Variants in TARS2 observed in about 807,000 individuals in gnomAD.
The protein encoded by TARS2 is threonyl-tRNA synthetase 2, mitochondrial.
TARS2 carries 61 observed loss-of-function variants against 94.4 expected under a neutral mutation model. The ratio of observed to expected loss-of-function variants is 0.65; its 90% CI spans 0.53 to 0.80. The LOEUF (loss-of-function observed/expected upper bound fraction) is 0.80. TARS2 is among the 30% of genes least tolerant of loss of function. TARS2 has a pLI of 0.00. For missense variants in TARS2, 704 were observed against 902.5 expected, an observed-to-expected ratio of 0.78 and a Z score of 2.82; for synonymous variants, 359 against 353.4, an observed-to-expected ratio of 1.02 and a Z score of -0.18.
chr1:150,487,551 C>T, intron 1 of TARS2, 35 bp downstream of exon 1: 1 of 1,614,022 alleles, frequency 6.2e-7, no homozygotes, highest in Non-Finnish European at 8.5e-7. Flanking sequence ...CGATCCGCAT[C>T]AGACTTAGCC....
chr1:150,487,480 C>A lies in TARS2; in HGVS notation c.30C>A (p.Leu10=). The part of the protein sequence containing the change: MALYQRWRC[L]RLQGLQACRL... ...CCCTGTATCAGAGGTGGCGGTGTCT[C>A]CGGCTCCAAGGTTTACAGGCTTGCA... is the stretch of plus-strand genomic sequence containing the variant. Residue 10 remains leucine (L), a synonymous_variant, in exon 1 of 18, where the codon CTC becomes CTA. Coordinates refer to ENST00000369064, the MANE Select transcript of TARS2 (RefSeq NM_025150.5). 2.5e-6 allele frequency: 4 copies of A among 1,614,232 alleles called. No individual in the cohort carries two copies. Among genetic ancestry groups the A allele is most frequent in the Non-Finnish European group, 3.4e-6 (4 of 1,180,038 alleles).
At chr1:150,493,007 C>T (rs587696395) in intron 7 of TARS2, among the ~76,000 whole-genome samples, 3 of 151,622 alleles carry the variant, frequency 2.0e-5, no homozygotes, top group South Asian at 2.1e-4. Flanking sequence ...TTCAGCCTCC[C>T]GAGTAGCTGG....
In TARS2 at chr1:150,491,467, C is replaced by T. The variant is rs201778963; in HGVS notation, c.586C>T (p.Arg196Trp). Reference sequence around the variant, plus strand: ...ACTTACAGCTGCTGCTCGACCCTTCCGGAGGCTAGAGGCTTCACGGGATCA... The same window carrying T: ...ACTTACAGCTGCTGCTCGACCCTTCTGGAGGCTAGAGGCTTCACGGGATCA... The part of the protein sequence containing the change: ...QELTAAARPF[R>W]RLEASRDQLR... The change falls in exon 5 of 18, where the codon CGG becomes TGG. Residue 196 changes from arginine to tryptophan, a missense_variant. Transcript: ENST00000369064. The T allele has an allele frequency of 1.1e-5, 18 of 1,614,178 alleles. No homozygotes were observed. The highest frequency in any genetic ancestry group is 2.7e-5 in the African/African-American group (2 of 75,042).
rs1296827521 is a variant in TARS2 at position 150,500,892 on chromosome 1, AGTT to A, written c.1617+1605_1617+1607del. On this transcript the variant is annotated intron_variant, in intron 13 of 17. Transcript: ENST00000369064. ...GAGAGGAAGTCTATTTGGAGGGAGA[AGTT>A]GTTGTAAAGGGAAGTTCCTGGAGAG... Among the ~76,000 whole-genome samples, 4 of 152,264 alleles carry A rather than the reference AGTT, an allele frequency of 2.6e-5. No homozygotes were observed. In the East Asian group the frequency reaches 7.7e-4, roughly 29 times the overall value.
chr1:150,502,336 C>T (rs1669963153), intron 13 of TARS2, among the ~76,000 whole-genome samples: 1 of 151,936 alleles, frequency 6.6e-6, no homozygotes. Flanking sequence ...ATTCTCTTGC[C>T]TCAGCCTCCC....
At chr1:150,495,682 C>T (rs1174918687) in intron 7 of TARS2, among the ~76,000 whole-genome samples, 1 of 151,098 alleles carries the variant, frequency 6.6e-6, no homozygotes, top group Non-Finnish European at 1.5e-5. Context: ...GTGTGAGCCA[C>T]TGCGCCCGGC....
intron 11 of TARS2, 63 bp downstream of exon 11, chr1:150,498,727 G>A: frequency 6.2e-7 from 1 of 1,609,502 alleles, no homozygotes. Context: ...CTATGAACCT[G>A]CAAACCCCTG....
At chr1:150,495,336 T>TACACAC (rs145397075) in intron 7 of TARS2, among the ~76,000 whole-genome samples, 35 of 150,558 alleles carry the variant, frequency 2.3e-4, no homozygotes, top group African/African-American at 7.8e-4. Context: ...CAGATGTATA[T>TACACAC]ACACACACAC....
Position 150,497,596 on chromosome 1 carries a change from G to C in TARS2, c.1087G>C (p.Glu363Gln). 1 of 1,614,132 alleles carries C rather than the reference G, an allele frequency of 6.2e-7. No homozygotes were observed. Among genetic ancestry groups the C allele is most frequent in the Non-Finnish European group, 8.5e-7 (1 of 1,180,030 alleles). Residue 363 changes from glutamate (E) to glutamine (Q), a missense_variant, in exon 10 of 18, where the codon GAA (glutamate) becomes CAA (glutamine). Transcript: ENST00000369064. ...TPTLFSTKLW[E>Q]QSGHWEHYQE... is the part of the protein sequence containing the mutation. ...CACACTGTTTTCTACGAAGCTCTGG[G>C]AACAGTCAGGGCACTGGGAGCATTA...
chr1:150,505,633 G>T lies in TARS2; in HGVS notation c.1936G>T (p.Asp646Tyr). ...LRAAGLVSDL[D>Y]ADSGLTLSRR... is the part of the protein sequence containing the mutation. ...GGCTGCAGGACTGGTCAGTGACCTGGATGCAGACTCTGGACTGACCCTCAG... is the reference window on the plus strand; with the variant it reads ...GGCTGCAGGACTGGTCAGTGACCTGTATGCAGACTCTGGACTGACCCTCAG... Residue 646 changes from aspartate (D) to tyrosine (Y), a missense_variant, in exon 17 of 18, where the codon GAT (aspartate) becomes TAT (tyrosine). Physicochemically the swap from Asp to Tyr is radical, Grantham distance 160. Around this residue, in one of 3 missense-constraint regions of TARS2, gnomAD observed 466 missense variants for 609.5 expected, o/e 0.76. Coordinates refer to ENST00000369064, the MANE Select transcript of TARS2 (RefSeq NM_025150.5). The T allele has an allele frequency of 1.2e-6, 2 of 1,614,172 alleles. No individual in the cohort carries two copies. Among genetic ancestry groups the T allele is most frequent in the Non-Finnish European group, 1.7e-6 (2 of 1,180,032 alleles).
chr1:150,491,523 G>A lies in TARS2; in HGVS notation c.630+12G>A. The A allele has an allele frequency of 6.2e-7, 1 of 1,614,096 alleles. No homozygotes were observed. Among genetic ancestry groups the A allele is most frequent in the Non-Finnish European group, 8.5e-7 (1 of 1,179,990 alleles). ...GCCAGTTGTTCAAGGTGGGGTGGAG[G>A]GAAGAGGTGGCTCTTCCAGGACATC... On this transcript the variant is annotated intron_variant, in intron 5 of 17. Coordinates refer to ENST00000369064, the MANE Select transcript of TARS2 (RefSeq NM_025150.5).
chr1:150,503,466 T>G (rs944259117), intron 13 of TARS2, among the ~76,000 whole-genome samples: 5 of 150,862 alleles, frequency 3.3e-5, no homozygotes, highest in African/African-American at 1.2e-4. Context: ...AGTGGGCAGA[T>G]CACTTGAGAT....
At chr1:150,494,397 T>C (rs1258910326) in intron 7 of TARS2, among the ~76,000 whole-genome samples, 1 of 137,464 alleles carries the variant, frequency 7.3e-6, no homozygotes, top group Non-Finnish European at 1.6e-5. Flanking sequence ...AAAAAGATAA[T>C]GAAAACCAAC....
Position 150,497,647 on chromosome 1 carries a change from C to T in TARS2, c.1138C>T (p.Pro380Ser). ...HYQEDMFAVQ[P>S]PGSDRPPSSQ... is the part of the protein sequence containing the mutation. Reference sequence around the variant, plus strand: ...TCAGGAAGACATGTTTGCCGTGCAGCCCCCAGGCTCTGACAGGCCTCCCAG... The same window carrying T: ...TCAGGAAGACATGTTTGCCGTGCAGTCCCCAGGCTCTGACAGGCCTCCCAG... Residue 380 changes from proline (P) to serine (S), a missense_variant, in exon 10 of 18, where the codon CCC (proline) becomes TCC (serine). Pro to Ser is a moderately conservative substitution (Grantham distance 74). Around this residue, in one of 3 missense-constraint regions of TARS2, gnomAD observed 466 missense variants for 609.5 expected, o/e 0.76. Transcript: ENST00000369064. 1 of 1,614,100 alleles carries T rather than the reference C, an allele frequency of 6.2e-7. No homozygotes were observed. Among genetic ancestry groups the T allele is most frequent in the East Asian group, 2.2e-5 (1 of 44,876 alleles).
rs1560258997 is a variant in TARS2 at position 150,504,722 on chromosome 1, C to CG, written c.1815dup (p.Lys606GlufsTer19). The CG allele has an allele frequency of 1.9e-6, 3 of 1,613,998 alleles. No homozygotes were observed. The highest frequency in any genetic ancestry group is 1.3e-5 in the African/African-American group (1 of 74,890). On this transcript the variant is annotated frameshift_variant, in exon 15 of 18. Transcript: ENST00000369064. LOFTEE classifies it high-confidence loss of function. ...TGTTGGGAGTGCTGGCAGAAAGCTGCGGGGGGAAATGGTGAGACCTCTGAC... is the reference window on the plus strand; with the variant it reads ...TGTTGGGAGTGCTGGCAGAAAGCTGCGGGGGGGAAATGGTGAGACCTCTGAC...
intron 6 of TARS2, 65 bp from the exon 7 acceptor site, chr1:150,492,346 T>C (rs781528342): frequency 1.3e-6 from 2 of 1,507,602 alleles, no homozygotes; most frequent in Admixed American, 1.7e-5. Flanking sequence ...CTAAAGACCA[T>C]GAGAGGGAGA....
rs747160525 is a variant in TARS2 at position 150,497,713 on chromosome 1, C to T, written c.1204C>T (p.Leu402Phe). The T allele has an allele frequency of 6.2e-7, 1 of 1,614,004 alleles. No homozygotes were observed. The highest frequency in any genetic ancestry group is 1.3e-5 in the African/African-American group (1 of 74,922). ...DDSTRHITDT[L>F]ALKPMNCPAH... ...TTCTACCAGGCATATCACAGATACA[C>T]TCGCCCTCAAGCCTATGAACTGCCC... Residue 402 changes from leucine to phenylalanine, a missense_variant, in exon 10 of 18, where the codon CTC becomes TTC. Physicochemically the swap from Leu to Phe is conservative, Grantham distance 22 (BLOSUM62 0). Coordinates refer to ENST00000369064, the MANE Select transcript of TARS2 (RefSeq NM_025150.5).
intron 4 of TARS2, among the ~76,000 whole-genome samples, chr1:150,491,067 AAAAG>A (rs1389952510): frequency 2.8e-5 from 4 of 144,586 alleles, no homozygotes; most frequent in East Asian, 2.0e-4. Context: ...AAAAAAAACA[AAAAG>A]AAAAAGAAGA....
At chr1:150,494,720 A>G (rs1298635384) in intron 7 of TARS2, among the ~76,000 whole-genome samples, 1 of 151,862 alleles carries the variant, frequency 6.6e-6, no homozygotes, top group Admixed American at 6.6e-5. Flanking sequence ...CCTGGGCAAC[A>G]GAGTGAGACT....
Sources: allele counts gnomAD v4.1 joint callset (sites outside exome capture counted in the v4.1 genomes callset), GRCh38; gene constraint gnomAD v4.1.1; regional missense constraint gnomAD v4.1.1; transcripts MANE v1.5; gene names NCBI Gene and HGNC (gene_info 2026-07-23, HGNC 2026-07-21).